The following CFAP77 variants were observed in gnomAD, a reference collection of about 807,000 sequenced individuals.
CFAP77 encodes the protein cilia and flagella associated protein 77, also known as cilia- and flagella-associated protein 77.
Under a neutral mutation model 31.1 loss-of-function variants are expected in CFAP77, and 25 were observed. The ratio of observed to expected loss-of-function variants is 0.80; its 90% confidence interval spans 0.59 to 1.12. The LOEUF is 1.12. CFAP77 is among the 50% of genes most tolerant of loss of function. The probability of loss-of-function intolerance (pLI) is 0.00; values close to 1 mark genes in which losing one functional copy is unlikely to be tolerated. For synonymous variants in CFAP77, 151 were observed against 159.9 expected (o/e 0.94, Z 0.42); for missense variants, 377 against 397.3 (o/e 0.95, Z 0.44).
rs1331204266 is a variant in CFAP77, at chr9:132,564,717, A to G, written c.733-7671A>G. 6.6e-6 allele frequency among the ~76,000 whole-genome samples: 1 copy of G among 152,254 alleles called. No individual in the cohort carries two copies. The highest frequency in any genetic ancestry group is 1.5e-5 in the Non-Finnish European group (1 of 68,042). On this transcript the variant is annotated intron_variant, in intron 5 of 5. Coordinates refer to ENST00000393216, the MANE Select transcript of CFAP77 (RefSeq NM_001282957.2). The surrounding 1 kb of genome is among the most constrained non-coding windows in gnomAD (Gnocchi z 4.6). Reference sequence around the variant, plus strand: ...CTAGAAAAAGAACAACAGAGTAAACATTAGTGAAATGTCAAAGGTACAATT... The same window carrying G: ...CTAGAAAAAGAACAACAGAGTAAACGTTAGTGAAATGTCAAAGGTACAATT...
intron 5 of CFAP77, among the ~76,000 whole-genome samples, chr9:132,562,723 A>T (rs1272584975): frequency 6.6e-6 from 1 of 151,576 alleles, no homozygotes; most frequent in Non-Finnish European, 1.5e-5. Flanking sequence ...TTTTTGAGAC[A>T]GAGTCTCGCT....
intron 3 of CFAP77, among the ~76,000 whole-genome samples, chr9:132,502,533 T>C (rs1314740603): frequency 6.6e-6 from 1 of 152,148 alleles, no homozygotes; most frequent in African/African-American, 2.4e-5. Flanking sequence ...TCTGTTCCTA[T>C]GAATTTGACT....
At chr9:132,415,354 G>A (rs1181518873) in intron 1 of CFAP77, among the ~76,000 whole-genome samples, 1 of 151,854 alleles carries the variant, frequency 6.6e-6, no homozygotes, top group African/African-American at 2.4e-5. Flanking sequence ...TCGGGCTGAG[G>A]CAGGAAACTA....
At chr9:132,423,647 C>CA (rs1268341359) in intron 1 of CFAP77, among the ~76,000 whole-genome samples, 1 of 152,292 alleles carries the variant, frequency 6.6e-6, no homozygotes, top group African/African-American at 2.4e-5. Flanking sequence ...TGTGCAGATC[C>CA]AAAAAACTTA....
intron 5 of CFAP77, among the ~76,000 whole-genome samples, chr9:132,566,910 T>C (rs1192494102): frequency 1.3e-5 from 2 of 152,100 alleles, no homozygotes; most frequent in Non-Finnish European, 2.9e-5. Context: ...CCAGACAGAT[T>C]GTCTCGATTT....
At chr9:132,437,634 C>T (rs536093407) in intron 1 of CFAP77, among the ~76,000 whole-genome samples, 13 of 151,258 alleles carry the variant, frequency 8.6e-5, no homozygotes, top group African/African-American at 1.5e-4. Context: ...CTCAGCCTCC[C>T]GAGTAGCTGG....
chr9:132,542,874 T>C lies in CFAP77; in HGVS notation c.631-72T>C. ...GCCAAGAATCCCAGCCCTCTGTCTC[T>C]ATATCCCTTCAGCACGGCCTTCTCC... On this transcript the variant is annotated intron_variant, in intron 4 of 5. Transcript: ENST00000393216. 6.7e-6 allele frequency: 8 copies of C among 1,199,042 alleles called. No homozygotes were observed. The South Asian group carries it at 7.3e-5, about 11-fold the overall frequency. The allele number at this position is 1,199,042 out of a possible 1,614,324, so 74.3% of individuals were successfully genotyped here.
At position 132,473,445 on chromosome 9, in the gene CFAP77, C is replaced by T. The variant is rs11243787; in HGVS notation, c.196-25250C>T. Among the ~76,000 whole-genome samples the T allele has an allele frequency of 0.029, 4,385 of 152,268 alleles. 414 individuals are homozygous for T. The East Asian group carries it at 0.36, about 12-fold the overall frequency. On this transcript the variant is annotated intron_variant, in intron 1 of 5. Transcript: ENST00000393216. Reference sequence around the variant, plus strand: ...AACAGTGATGTAACTTGATCCAGATCGTCCTGATGAGTAACAGAGCTTGGA... The same window carrying T: ...AACAGTGATGTAACTTGATCCAGATTGTCCTGATGAGTAACAGAGCTTGGA...
At chr9:132,496,558 G>A (rs772362958) in intron 1 of CFAP77, among the ~76,000 whole-genome samples, 22 of 152,210 alleles carry the variant, frequency 1.4e-4, no homozygotes, top group African/African-American at 5.3e-4. Context: ...GGATTTGCCT[G>A]TTCTGGACAT....
chr9:132,551,087 A>G (rs929047461), intron 5 of CFAP77, among the ~76,000 whole-genome samples: 2 of 152,030 alleles, frequency 1.3e-5, no homozygotes, highest in African/African-American at 2.4e-5. Context: ...CTCTCCTCAA[A>G]GAAGTCCTAG....
chr9:132,429,252 C>T (rs1408876302), intron 1 of CFAP77, among the ~76,000 whole-genome samples: 1 of 151,848 alleles, frequency 6.6e-6, no homozygotes, highest in Admixed American at 6.6e-5. Flanking sequence ...TTTAATGTCT[C>T]CTTTCCAGCC....
intron 5 of CFAP77, among the ~76,000 whole-genome samples, chr9:132,557,515 T>C (rs549141370): frequency 1.3e-5 from 2 of 152,318 alleles, no homozygotes; most frequent in African/African-American, 4.8e-5. Context: ...GCTCAAGATT[T>C]AATCAGGGAC....
At chr9:132,479,582 C>T (rs994803411) in intron 1 of CFAP77, among the ~76,000 whole-genome samples, 3 of 152,202 alleles carry the variant, frequency 2.0e-5, no homozygotes, top group Non-Finnish European at 4.4e-5. Flanking sequence ...CAGTGATGCT[C>T]CTCCGAGTGG....
In CFAP77 at chr9:132,499,777, G is replaced by T. The variant is rs1851812264; in HGVS notation, c.524+177G>T. On this transcript the variant is annotated intron_variant, in intron 3 of 5. Coordinates refer to ENST00000393216, the MANE Select transcript of CFAP77 (RefSeq NM_001282957.2). The surrounding 1 kb of genome is among the most constrained non-coding windows in gnomAD (Gnocchi z 5.4). ...CCACACCCTGAATCCTGCTGAGCTG[G>T]GTCCTGGCCTTATAGCAGGGTACCC... 6.6e-6 allele frequency among the ~76,000 whole-genome samples: 1 copy of T among 152,102 alleles called. No individual in the cohort carries two copies. Among genetic ancestry groups the T allele is most frequent in the Non-Finnish European group, 1.5e-5 (1 of 67,994 alleles).
At chr9:132,492,059 G>A (rs758077910) in intron 1 of CFAP77, among the ~76,000 whole-genome samples, 3 of 152,160 alleles carry the variant, frequency 2.0e-5, no homozygotes, top group African/African-American at 4.8e-5. Flanking sequence ...AGGCCAAGGC[G>A]GGAGGATTGC....
At chr9:132,440,808 G>A (rs525620) in intron 1 of CFAP77, among the ~76,000 whole-genome samples, 74,271 of 151,972 alleles carry the variant, frequency 0.49, 19,131 homozygotes, top group African/African-American at 0.64. Context: ...TAACCCATCA[G>A]TGGTAGACAA....
chr9:132,553,598 C>A (rs1852854090), intron 5 of CFAP77, among the ~76,000 whole-genome samples: 1 of 152,208 alleles, frequency 6.6e-6, no homozygotes, highest in Admixed American at 6.5e-5. Flanking sequence ...ACCTTCTCTC[C>A]CTTCCACATG....
chr9:132,541,005 G>A (rs986841413), intron 4 of CFAP77, among the ~76,000 whole-genome samples: 4 of 152,092 alleles, frequency 2.6e-5, no homozygotes, highest in African/African-American at 9.7e-5. Flanking sequence ...CTGCTATATT[G>A]TCCTACAAAT....
At position 132,545,867 on chromosome 9, in the gene CFAP77, G is replaced by A. The variant is rs1852720934; in HGVS notation, c.732+2820G>A. Among the ~76,000 whole-genome samples the A allele has an allele frequency of 6.6e-6, 1 of 152,080 alleles. No individual in the cohort carries two copies. The highest frequency in any genetic ancestry group is 1.5e-5 in the Non-Finnish European group (1 of 68,008). On this transcript the variant is annotated intron_variant, in intron 5 of 5. Coordinates refer to ENST00000393216, the MANE Select transcript of CFAP77 (RefSeq NM_001282957.2). This position sits in a 1 kb window ranked among gnomAD's most constrained non-coding sequence, Gnocchi z 4.6. Reference sequence around the variant, plus strand: ...GTTTCCTAGCCCCAGGGCCTCCCGAGGACCCCTTCCCTCACCTCCAGGCCC... The same window carrying A: ...GTTTCCTAGCCCCAGGGCCTCCCGAAGACCCCTTCCCTCACCTCCAGGCCC...
Sources: gnomAD v4.1 joint callset for allele counts (sites outside exome capture counted in the v4.1 genomes callset) on GRCh38, gnomAD v4.1.1 for gene constraint, Gnocchi (gnomAD v3.1) non-coding constraint, MANE v1.5 for transcripts, NCBI Gene and HGNC (gene_info 2026-07-23, HGNC 2026-07-21) for gene names.